Variants in HCN1 observed in about 807,000 individuals in gnomAD.
HCN1 encodes the protein hyperpolarization activated cyclic nucleotide gated potassium channel 1.
A neutral mutation model predicts 78.9 loss-of-function variants in HCN1; 13 were observed. That is an observed-to-expected ratio of 0.16 (90% confidence interval 0.11 to 0.26). HCN1 has a LOEUF of 0.26. HCN1 is among the 10% of genes least tolerant of loss of function. The pLI, the probability that HCN1 is intolerant of heterozygous loss-of-function variation, is 1.00. For missense variants in HCN1, 810 were observed against 1,154.3 expected, an observed-to-expected ratio of 0.70 and a Z score of 4.32; for synonymous variants, 552 against 455.5, an observed-to-expected ratio of 1.21 and a Z score of -2.70.
chr5:45,512,988 G>A (rs938194686), intron 2 of HCN1, among the ~76,000 whole-genome samples: 2 of 152,036 alleles, frequency 1.3e-5, no homozygotes, highest in Admixed American at 6.6e-5. Context: ...AATTAATAAA[G>A]TACATCTCCA....
intron 2 of HCN1, among the ~76,000 whole-genome samples, chr5:45,539,683 CAA>C (rs1440326795): frequency 6.8e-6 from 1 of 147,162 alleles, no homozygotes; most frequent in Non-Finnish European, 1.5e-5. Context: ...AGAAAGAAAA[CAA>C]TATTTTAAAA....
intron 5 of HCN1, among the ~76,000 whole-genome samples, chr5:45,339,176 A>C (rs1222613555): frequency 6.6e-6 from 1 of 152,128 alleles, no homozygotes; most frequent in Non-Finnish European, 1.5e-5. Context: ...TAAATATTTC[A>C]TGACTTCCTA....
At chr5:45,285,976 A>G (rs1745261685) in intron 6 of HCN1, among the ~76,000 whole-genome samples, 1 of 149,812 alleles carries the variant, frequency 6.7e-6, no homozygotes, top group African/African-American at 2.5e-5. Flanking sequence ...GGAGACAAAC[A>G]CACACGGAAA....
chr5:45,471,622 T>G (rs1354636841), intron 2 of HCN1, among the ~76,000 whole-genome samples: 1 of 151,960 alleles, frequency 6.6e-6, no homozygotes, highest in Non-Finnish European at 1.5e-5. Context: ...AGCCCACATG[T>G]GTTATCTTAT....
intron 2 of HCN1, among the ~76,000 whole-genome samples, chr5:45,486,433 A>C (rs1741764877): frequency 6.6e-6 from 1 of 152,134 alleles, no homozygotes. Context: ...GACATGGATA[A>C]AGAACTACTA....
intron 5 of HCN1, among the ~76,000 whole-genome samples, chr5:45,315,582 G>C (rs535031537): frequency 6.6e-6 from 1 of 152,074 alleles, no homozygotes; most frequent in Non-Finnish European, 1.5e-5. Context: ...AACTGAAGGA[G>C]ATAGAGACAC....
intron 3 of HCN1, among the ~76,000 whole-genome samples, chr5:45,428,003 T>C (rs1026922782): frequency 1.3e-5 from 2 of 152,152 alleles, no homozygotes; most frequent in South Asian, 2.1e-4. Context: ...ATTGTAGAGT[T>C]AGATGGTTCT....
intron 1 of HCN1, among the ~76,000 whole-genome samples, chr5:45,677,535 G>C (rs1404003855): frequency 6.6e-6 from 1 of 151,860 alleles, no homozygotes; most frequent in African/African-American, 2.4e-5. Flanking sequence ...ATTCTAGGAA[G>C]TGTGTGTTAT....
intron 3 of HCN1, among the ~76,000 whole-genome samples, chr5:45,405,828 A>G (rs1180643600): frequency 6.6e-6 from 1 of 152,168 alleles, no homozygotes; most frequent in Non-Finnish European, 1.5e-5. Context: ...AGTATTGCAT[A>G]ACTAAATTGC....
intron 2 of HCN1, among the ~76,000 whole-genome samples, chr5:45,471,525 T>C (rs1741388638): frequency 6.6e-6 from 1 of 152,074 alleles, no homozygotes; most frequent in South Asian, 2.1e-4. Flanking sequence ...CTTAACGAGT[T>C]CCTTGCATTT....
chr5:45,531,379 G>C (rs746146854), intron 2 of HCN1, among the ~76,000 whole-genome samples: 2 of 152,038 alleles, frequency 1.3e-5, no homozygotes, highest in Non-Finnish European at 2.9e-5. Flanking sequence ...TGAAATAGGG[G>C]ACTCTGCTCA....
chr5:45,395,592 A>G (rs1739669802), intron 4 of HCN1, among the ~76,000 whole-genome samples: 1 of 152,188 alleles, frequency 6.6e-6, no homozygotes, highest in Non-Finnish European at 1.5e-5. Context: ...GGATGTTTTG[A>G]AAACAATTCT....
intron 4 of HCN1, among the ~76,000 whole-genome samples, chr5:45,388,296 A>C (rs2112032288): frequency 6.6e-6 from 1 of 152,238 alleles, no homozygotes. Flanking sequence ...AGTTCTGCTT[A>C]GTTAGAAAAA....
At chr5:45,417,332 T>C (rs1476377250) in intron 3 of HCN1, among the ~76,000 whole-genome samples, 1 of 151,932 alleles carries the variant, frequency 6.6e-6, no homozygotes, top group Non-Finnish European at 1.5e-5. Context: ...AACAAAATCC[T>C]AGCAATTATT....
intron 2 of HCN1, among the ~76,000 whole-genome samples, chr5:45,495,736 T>A (rs1460366095): frequency 6.6e-6 from 1 of 152,156 alleles, no homozygotes; most frequent in Non-Finnish European, 1.5e-5. Context: ...TGGCTGTGGG[T>A]TTGTCATAGA....
At chr5:45,658,571 C>A (rs907639557) in intron 1 of HCN1, among the ~76,000 whole-genome samples, 1 of 152,012 alleles carries the variant, frequency 6.6e-6, no homozygotes. Flanking sequence ...GAGTGCCAGA[C>A]AGTGGGCGCA....
At chr5:45,562,170 A>C (rs2111882356) in intron 2 of HCN1, among the ~76,000 whole-genome samples, 1 of 151,822 alleles carries the variant, frequency 6.6e-6, no homozygotes, top group African/African-American at 2.4e-5. Context: ...CTGTCCTTAA[A>C]CCTGTGGAGT....
chr5:45,657,742 G>A (rs557073992), intron 1 of HCN1, among the ~76,000 whole-genome samples: 1 of 152,186 alleles, frequency 6.6e-6, no homozygotes, highest in Non-Finnish European at 1.5e-5. Flanking sequence ...AATAAAAGAG[G>A]ATACAAAGAA....
intron 5 of HCN1, among the ~76,000 whole-genome samples, chr5:45,313,283 C>T (rs1299878241): frequency 1.3e-5 from 2 of 152,100 alleles, no homozygotes; most frequent in Non-Finnish European, 2.9e-5. Flanking sequence ...CAGCAAACTC[C>T]AACAGACATG....
Sources: allele counts gnomAD v4.1 joint callset (sites outside exome capture counted in the v4.1 genomes callset), GRCh38; gene constraint gnomAD v4.1.1; transcripts MANE v1.5; gene names NCBI Gene and HGNC (gene_info 2026-07-23, HGNC 2026-07-21).